UBE2E2: variants seen among roughly 807,000 people sequenced by gnomAD.
The protein encoded by UBE2E2 is ubiquitin-conjugating enzyme E2 E2.
A neutral mutation model predicts 24.7 loss-of-function variants in UBE2E2; 6 were observed. The observed-to-expected ratio is 0.24, with a 90% CI of 0.13 to 0.48. The LOEUF is 0.48. Ranked by LOEUF, UBE2E2 falls within the 20% of genes least tolerant of loss-of-function variation. UBE2E2 has a pLI of 0.99. For missense variants in UBE2E2, 169 were observed against 245.0 expected, an observed-to-expected ratio of 0.69 and a Z score of 2.07; for synonymous variants, 104 against 83.6, an observed-to-expected ratio of 1.24 and a Z score of -1.33.
intron 3 of UBE2E2, among the ~76,000 whole-genome samples, chr3:23,423,999 G>A (rs1197423384): frequency 6.6e-6 from 1 of 152,142 alleles, no homozygotes; most frequent in African/African-American, 2.4e-5. Flanking sequence ...CTTGAGTAAT[G>A]AAAGGACATT....
At chr3:23,556,076 G>A (rs1257252547) in intron 5 of UBE2E2, among the ~76,000 whole-genome samples, 1 of 150,206 alleles carries the variant, frequency 6.7e-6, no homozygotes, top group African/African-American at 2.4e-5. Context: ...TTGTTTCACT[G>A]TAGTAACCAT....
At chr3:23,529,806 T>A (rs570038360) in intron 4 of UBE2E2, among the ~76,000 whole-genome samples, 2 of 152,354 alleles carry the variant, frequency 1.3e-5, no homozygotes, top group Non-Finnish European at 2.9e-5. Context: ...TTTCATTAAC[T>A]TAGGCTAGTG....
chr3:23,251,526 A>G (rs1419201776), intron 3 of UBE2E2, among the ~76,000 whole-genome samples: 1 of 152,226 alleles, frequency 6.6e-6, no homozygotes, highest in Admixed American at 6.5e-5. Context: ...TTGGAAACTT[A>G]AGAAAGTTGT....
intron 4 of UBE2E2, among the ~76,000 whole-genome samples, chr3:23,505,665 A>G (rs1430127341): frequency 6.6e-6 from 1 of 152,204 alleles, no homozygotes; most frequent in Non-Finnish European, 1.5e-5. Context: ...TTTCACTACA[A>G]ATTTTACCAA....
At chr3:23,438,693 T>C (rs1698234703) in intron 3 of UBE2E2, among the ~76,000 whole-genome samples, 1 of 152,232 alleles carries the variant, frequency 6.6e-6, no homozygotes, top group South Asian at 2.1e-4. Flanking sequence ...CATGGTTTGA[T>C]ATATGCTTGA....
intron 3 of UBE2E2, among the ~76,000 whole-genome samples, chr3:23,462,664 A>G (rs1698829368): frequency 1.3e-5 from 2 of 152,122 alleles, no homozygotes; most frequent in Non-Finnish European, 2.9e-5. Context: ...AAAGGACCAG[A>G]CCAATTCTAC....
At position 23,217,305 on chromosome 3, in the gene UBE2E2, A is replaced by G; in HGVS notation, c.220A>G (p.Asn74Asp). 3 of 1,612,712 alleles carry G rather than the reference A, an allele frequency of 1.9e-6. No homozygotes were observed. The highest frequency in any genetic ancestry group is 2.5e-6 in the Non-Finnish European group (3 of 1,179,052). ...AGAAATCACATTGGACCCTCCTCCC[A>G]ACTGTAGGTAAGTACTCATGGTTTT... Reference protein sequence around the residue: ...LAEITLDPPPNCSAGPKGDNI... With the variant: ...LAEITLDPPPDCSAGPKGDNI... Residue 74 changes from asparagine (N) to aspartate (D), a missense_variant, in exon 3 of 6, where the codon AAC becomes GAC. By Grantham distance (23) the Asn-to-Asp change is conservative. Transcript: ENST00000396703.
intron 3 of UBE2E2, among the ~76,000 whole-genome samples, chr3:23,315,843 G>A (rs1694561050): frequency 6.6e-6 from 1 of 152,058 alleles, no homozygotes; most frequent in Non-Finnish European, 1.5e-5. Context: ...GATACCCTAA[G>A]CTTAGTAATG....
intron 4 of UBE2E2, among the ~76,000 whole-genome samples, chr3:23,515,160 TATATAGA>T (rs1218080468): frequency 1.3e-5 from 2 of 151,804 alleles, no homozygotes; most frequent in African/African-American, 4.8e-5. Context: ...TGTGTACATA[TATATAGA>T]GAGAGAGATA....
chr3:23,457,103 A>G (rs958392990), intron 3 of UBE2E2, among the ~76,000 whole-genome samples: 1 of 152,218 alleles, frequency 6.6e-6, no homozygotes, highest in African/African-American at 2.4e-5. Context: ...TGGGCTGGTT[A>G]ACTGAGTCAT....
chr3:23,405,751 T>C (rs1697341553), intron 3 of UBE2E2, among the ~76,000 whole-genome samples: 2 of 152,218 alleles, frequency 1.3e-5, no homozygotes, highest in African/African-American at 2.4e-5. Context: ...TTGTTTAGTT[T>C]TAACCTTTAT....
At chr3:23,231,778 C>T (rs906311708) in intron 3 of UBE2E2, among the ~76,000 whole-genome samples, 1 of 152,132 alleles carries the variant, frequency 6.6e-6, no homozygotes, top group African/African-American at 2.4e-5. Flanking sequence ...AGAGTGCTCA[C>T]AGAACTCAGG....
intron 3 of UBE2E2, among the ~76,000 whole-genome samples, chr3:23,339,924 C>T (rs953710691): frequency 2.6e-5 from 4 of 151,732 alleles, no homozygotes; most frequent in African/African-American, 4.8e-5. Flanking sequence ...TCAGGAATAA[C>T]GGGAAATACT....
At chr3:23,440,178 G>A (rs1369066716) in intron 3 of UBE2E2, among the ~76,000 whole-genome samples, 2 of 152,100 alleles carry the variant, frequency 1.3e-5, no homozygotes, top group East Asian at 1.9e-4. Flanking sequence ...GAGGGCTGAC[G>A]CAGGAGAATC....
intron 3 of UBE2E2, among the ~76,000 whole-genome samples, chr3:23,397,217 T>G (rs563640917): frequency 1.3e-5 from 2 of 152,316 alleles, no homozygotes; most frequent in South Asian, 2.1e-4. Flanking sequence ...TCACTTTTTG[T>G]GGGAGAATAC....
chr3:23,293,199 T>C (rs765826996), intron 3 of UBE2E2, among the ~76,000 whole-genome samples: 4 of 152,240 alleles, frequency 2.6e-5, no homozygotes, highest in Non-Finnish European at 5.9e-5. Context: ...CGTTAGTCGT[T>C]GTGTGGACAG....
intron 3 of UBE2E2, among the ~76,000 whole-genome samples, chr3:23,281,659 G>A (rs773799454): frequency 2.0e-5 from 3 of 151,888 alleles, no homozygotes; most frequent in Non-Finnish European, 4.4e-5. Context: ...AGGAGAAGGA[G>A]GAGAAACATG....
intron 2 of UBE2E2, among the ~76,000 whole-genome samples, chr3:23,212,395 C>G (rs1379219754): frequency 6.6e-6 from 1 of 152,124 alleles, no homozygotes; most frequent in Non-Finnish European, 1.5e-5. Flanking sequence ...TCTGCAGTGA[C>G]AGATTTAGAT....
intron 5 of UBE2E2, among the ~76,000 whole-genome samples, chr3:23,580,373 C>T (rs1696448734): frequency 6.6e-6 from 1 of 152,188 alleles, no homozygotes; most frequent in South Asian, 2.1e-4. Flanking sequence ...CAGTCAGCAG[C>T]CATCCACATT....
Sources: gnomAD v4.1 joint callset for allele counts (sites outside exome capture counted in the v4.1 genomes callset) on GRCh38, gnomAD v4.1.1 for gene constraint, MANE v1.5 for transcripts, NCBI Gene and HGNC (gene_info 2026-07-23, HGNC 2026-07-21) for gene names.